TEDC1: variants seen among roughly 807,000 people sequenced by gnomAD.
TEDC1 encodes the protein tubulin epsilon and delta complex protein 1.
A neutral mutation model predicts 59.9 loss-of-function variants in TEDC1; 54 were observed. The ratio of observed to expected loss-of-function variants is 0.90; its 90% CI spans 0.72 to 1.13. The LOEUF (loss-of-function observed/expected upper bound fraction) is 1.13, where lower values mean the gene tolerates loss of function less well. TEDC1 is among the 50% of genes most tolerant of loss of function. The pLI, the probability that TEDC1 is intolerant of heterozygous loss-of-function variation, is 0.00. For synonymous variants in TEDC1, 353 were observed against 298.1 expected (o/e 1.18, Z -1.90); for missense variants, 734 against 683.4 (o/e 1.07, Z -0.83).
chr14:105,491,480 C>T lies in TEDC1; in HGVS notation c.105C>T (p.Ser35=). ...GTCGGTCGCTGCCCTCGGGACCCAG[C>T]CCCGAGATCTTCCGCCGCGCCAAGT... ...ALSRSLPSGP[S]PEIFRRAKFD... is the part of the protein sequence containing the mutation. The change falls in exon 1 of 9, where the codon AGC becomes AGT. Residue 35 remains serine, a synonymous_variant. Coordinates refer to ENST00000392523, the MANE Select transcript of TEDC1 (RefSeq NM_001367178.1). The T allele has an allele frequency of 6.7e-7, 1 of 1,486,546 alleles. No individual in the cohort carries two copies. Among genetic ancestry groups the T allele is most frequent in the Non-Finnish European group, 8.9e-7 (1 of 1,118,882 alleles). The allele number at this position is 1,486,546 out of a possible 1,614,324, so 92.1% of individuals were successfully genotyped here.
chr14:105,497,518 C>T, intron 7 of TEDC1, 75 bp downstream of exon 7: 8 of 1,494,798 alleles, frequency 5.4e-6, no homozygotes, highest in Admixed American at 2.1e-5. Flanking sequence ...CGGGATCTTC[C>T]TGTTTTCCAG....
At position 105,492,598 on chromosome 14, in the gene TEDC1, C is replaced by G. The variant is rs1555439689; in HGVS notation, c.449C>G (p.Pro150Arg). Residue 150 changes from proline (P) to arginine (R), a missense_variant, in exon 4 of 9, where the codon CCT becomes CGT. Pro to Arg is a moderately radical substitution (Grantham distance 103). Transcript: ENST00000392523. ...TVCQCEALASPGPPAPHMEAE... is the reference protein window; with the variant it reads ...TVCQCEALASRGPPAPHMEAE... ...CTCCAGTGTGAGGCCCTGGCCAGCC[C>G]TGGCCCACCTGCACCCCACATGGAA... The G allele has an allele frequency of 6.5e-7, 1 of 1,540,352 alleles. No individual in the cohort carries two copies. The highest frequency in any genetic ancestry group is 1.2e-5 in the South Asian group (1 of 84,054).
intron 8 of TEDC1, among the ~76,000 whole-genome samples, chr14:105,498,223 C>T (rs1555440913): frequency 6.6e-6 from 1 of 152,180 alleles, no homozygotes; most frequent in African/African-American, 2.4e-5. Context: ...GGAGGGAAGC[C>T]CGTGCTGTGT....
chr14:105,498,779 G>A lies in TEDC1; in HGVS notation c.1321G>A (p.Ala441Thr). ...HRLVRREDGA[A>T]GDRDLRAAVV... ...GCTGGTGAGACGAGAGGATGGGGCAGCAGGGGACCGGGACCTGCGGGCAGC... is the reference window on the plus strand; with the variant it reads ...GCTGGTGAGACGAGAGGATGGGGCAACAGGGGACCGGGACCTGCGGGCAGC... Residue 441 changes from alanine (A) to threonine (T), a missense_variant, in exon 9 of 9, where the codon GCA becomes ACA. Ala to Thr is a moderately conservative substitution (Grantham distance 58). Transcript: ENST00000392523. The A allele has an allele frequency of 6.4e-7, 1 of 1,573,760 alleles. No homozygotes were observed. The highest frequency in any genetic ancestry group is 8.6e-7 in the Non-Finnish European group (1 of 1,160,668).
chr14:105,493,887 C>CT lies in TEDC1; in HGVS notation c.639dup (p.Val214CysfsTer3). On this transcript the variant is annotated frameshift_variant, in exon 5 of 9. Coordinates refer to ENST00000392523, the MANE Select transcript of TEDC1 (RefSeq NM_001367178.1). LOFTEE classifies it high-confidence loss of function. ...AGCGACCAGAGCCTTAGCCATCTGT[C>CT]TGTCACTGAAGCAGAGATGCTCAGG... 1 of 1,595,586 alleles carries CT rather than the reference C, an allele frequency of 6.3e-7. No individual in the cohort carries two copies. The highest frequency in any genetic ancestry group is 8.5e-7 in the Non-Finnish European group (1 of 1,174,378).
At chr14:105,490,032 C>T (rs1471529326), upstream of TEDC1, 6 of 152,278 alleles carry the variant, frequency 3.9e-5, no homozygotes, top group African/African-American at 9.6e-5. Flanking sequence ...TCAAGAAACC[C>T]GCGTGGGCGG....
chr14:105,498,841 C>T lies in TEDC1; in HGVS notation c.1383C>T (p.Cys461=), dbSNP rs781947231. Residue 461 remains cysteine (C), a synonymous_variant, in exon 9 of 9, where the codon TGC becomes TGT. Coordinates refer to ENST00000392523, the MANE Select transcript of TEDC1 (RefSeq NM_001367178.1). ...GGACGCTGAGGAGCCAGGAGGCCTG[C>T]CTGGAGGCGGTGCTACGTCGACTAC... ...VIRTLRSQEA[C]LEAVLRRLQG... is the part of the protein sequence containing the mutation. 1.9e-6 allele frequency: 3 copies of T among 1,610,348 alleles called. No individual in the cohort carries two copies. The highest frequency in any genetic ancestry group is 1.1e-5 in the South Asian group (1 of 90,242).
rs1353891510 is a variant in TEDC1 at position 105,495,972 on chromosome 14, C to T, written c.777C>T (p.Phe259=). 9 of 1,550,230 alleles carry T rather than the reference C, an allele frequency of 5.8e-6. No individual in the cohort carries two copies. The Admixed American group carries it at 1.6e-4, about 27-fold the overall frequency. Residue 259 remains phenylalanine, a synonymous_variant, in exon 6 of 9, where the codon TTC becomes TTT. Transcript: ENST00000392523. ...CTCCTGGGATGGGTCCCAGAACCTT[C>T]TGGAATGATCTGTGGCTGGTATGTG... ...FCTPGMGPRT[F]WNDLWLVCEQ...
At position 105,496,087 on chromosome 14, in the gene TEDC1, G is replaced by C; in HGVS notation, c.891+1G>C. 1 of 1,533,912 alleles carries C rather than the reference G, an allele frequency of 6.5e-7. No individual in the cohort carries two copies. Among genetic ancestry groups the C allele is most frequent in the Non-Finnish European group, 8.8e-7 (1 of 1,140,000 alleles). On this transcript the variant is annotated splice_donor_variant, in intron 6 of 8. Transcript: ENST00000392523. LOFTEE classifies it high-confidence loss of function. ...CAGCCTGCTCTCCCCTTTTAGGGCG[G>C]TAAGTCGGGGAGGCTGGCAGGGAAG...
chr14:105,492,827 C>A, intron 4 of TEDC1, 93 bp downstream of exon 4: 1 of 1,462,572 alleles, frequency 6.8e-7, no homozygotes, highest in Middle Eastern at 2.4e-4. Context: ...TGAGGCCTGG[C>A]ACAGGCTTTT....
chr14:105,497,323 T>C, intron 6 of TEDC1, 34 bp from the exon 7 acceptor site: 1 of 1,543,886 alleles, frequency 6.5e-7, no homozygotes, highest in Admixed American at 2.0e-5. Flanking sequence ...GGGTCCCGTG[T>C]GAGGTTCTAG....
chr14:105,493,282 C>T (rs1315240129), intron 4 of TEDC1, among the ~76,000 whole-genome samples: 3 of 152,056 alleles, frequency 2.0e-5, no homozygotes, highest in African/African-American at 7.2e-5. Context: ...CCTTGGAGAC[C>T]CCCCCATCCC....
At chr14:105,496,383 C>T (rs587718615) in intron 6 of TEDC1, 102 of 407,822 alleles carry the variant, frequency 2.5e-4, no homozygotes, top group Admixed American at 1.7e-3. Context: ...TATTCTCTGA[C>T]CGCAGGCCTG....
At chr14:105,497,692 G>A (rs1214531642) in intron 7 of TEDC1, 106 bp from the exon 8 acceptor site, 8 of 1,357,470 alleles carry the variant, frequency 5.9e-6, no homozygotes, top group Non-Finnish European at 7.9e-6. Flanking sequence ...CTGAGATGGT[G>A]GCATCCAGCC....
chr14:105,497,478 C>T, intron 7 of TEDC1, 35 bp downstream of exon 7: 1 of 1,535,356 alleles, frequency 6.5e-7, no homozygotes, highest in Non-Finnish European at 8.7e-7. Context: ...CCCGGCATCC[C>T]TTCCCACAGC....
chr14:105,496,136 G>GGGGGGGGGGT, intron 6 of TEDC1, 50 bp downstream of exon 6: 1 of 680,204 alleles, frequency 1.5e-6, no homozygotes, highest in Non-Finnish European at 2.3e-6. Flanking sequence ...ACTTGGGGGT[G>GGGGGGGGGGT]GGTGGGAGGG....
intron 5 of TEDC1, 82 bp downstream of exon 5, chr14:105,494,015 T>TGGGGGGGGGGGGCCG: frequency 6.3e-6 from 1 of 158,598 alleles, no homozygotes; most frequent in Non-Finnish European, 1.3e-5. Context: ...GGGAGGGGCC[T>TGGGGGGGGGGGGCCG]GGGGGCGGGG....
At chr14:105,494,352 G>C (rs2084295239) in intron 5 of TEDC1, 1 of 251,870 alleles carries the variant, frequency 4.0e-6, no homozygotes, top group Admixed American at 5.1e-5. Context: ...TGAAGGGTTG[G>C]GCACAGGGCT....
intron 8 of TEDC1, 46 bp from the exon 9 acceptor site, chr14:105,498,571 C>G: frequency 8.1e-6 from 12 of 1,477,636 alleles, no homozygotes; most frequent in Non-Finnish European, 1.1e-5. Flanking sequence ...GAGCCTGAGG[C>G]CAGTGTCCTG....
Sources: allele counts gnomAD v4.1 joint callset (sites outside exome capture counted in the v4.1 genomes callset), GRCh38; gene constraint gnomAD v4.1.1; transcripts MANE v1.5; gene names NCBI Gene and HGNC (gene_info 2026-07-23, HGNC 2026-07-21).